Variants in DLGAP2 observed in about 807,000 individuals in gnomAD.
The protein encoded by DLGAP2 is DLG associated protein 2, also known as disks large-associated protein 2.
DLGAP2 carries 26 observed loss-of-function variants against 100.3 expected under a neutral mutation model. The observed-to-expected ratio is 0.26, with a 90% confidence interval of 0.19 to 0.36. The LOEUF is 0.36. Ranked by LOEUF, DLGAP2 falls within the 10% of genes least tolerant of loss-of-function variation. The probability of loss-of-function intolerance (pLI) is 1.00; values close to 1 mark genes in which losing one functional copy is unlikely to be tolerated. For missense variants in DLGAP2, 1,858 were observed against 1,453.2 expected, an observed-to-expected ratio of 1.28 and a Z score of -4.53; for synonymous variants, 886 against 630.1, an observed-to-expected ratio of 1.41 and a Z score of -6.08.
At chr8:1,434,108 G>A (rs930118088) in intron 3 of DLGAP2, among the ~76,000 whole-genome samples, 6 of 152,156 alleles carry the variant, frequency 3.9e-5, no homozygotes, top group African/African-American at 1.4e-4. Context: ...TTTGCAGGTG[G>A]AGCATGGAGA....
chr8:967,366 T>G (rs940758685), intron 2 of DLGAP2, among the ~76,000 whole-genome samples: 1 of 152,212 alleles, frequency 6.6e-6, no homozygotes, highest in Admixed American at 6.5e-5. Context: ...TCTGTGCCGC[T>G]TAGGCTTTGG....
chr8:1,548,848 G>A lies in DLGAP2; in HGVS notation c.395G>A (p.Arg132His), dbSNP rs1801648565. 2.5e-6 allele frequency: 4 copies of A among 1,579,648 alleles called. No individual in the cohort carries two copies. The highest frequency in any genetic ancestry group is 2.6e-6 in the Non-Finnish European group (3 of 1,166,660). Residue 132 changes from arginine (R) to histidine (H), a missense_variant, in exon 5 of 15, where the codon CGC becomes CAC. Transcript: ENST00000637795. ...CCCGCCGACAGCTGCCCCGGGGGGC[G>A]CCACCGCTGCTCGCCGCGCAGCTCG... ...LSPADSCPGG[R>H]HRCSPRSSVH...
chr8:1,154,549 T>A (rs1796747147), intron 2 of DLGAP2, among the ~76,000 whole-genome samples: 1 of 152,248 alleles, frequency 6.6e-6, no homozygotes, highest in African/African-American at 2.4e-5. Context: ...AATTTTTCAT[T>A]TATTTTCTGC....
chr8:1,686,131 T>C (rs1321069736), intron 12 of DLGAP2, among the ~76,000 whole-genome samples: 3 of 152,212 alleles, frequency 2.0e-5, no homozygotes, highest in Admixed American at 2.0e-4. Context: ...ACATGTTTAT[T>C]GCAGCATTAT....
intron 1 of DLGAP2, among the ~76,000 whole-genome samples, chr8:826,061 T>C (rs985573843): frequency 6.6e-6 from 1 of 152,260 alleles, no homozygotes; most frequent in Non-Finnish European, 1.5e-5. Flanking sequence ...CCACAAATAA[T>C]TGAGAACATG....
chr8:1,031,029 C>T (rs1014671122), intron 2 of DLGAP2, among the ~76,000 whole-genome samples: 1 of 152,188 alleles, frequency 6.6e-6, no homozygotes. Flanking sequence ...GGTTGTTTTT[C>T]CTGGTGGCTG....
At chr8:1,254,276 A>G (rs1799120504) in intron 2 of DLGAP2, among the ~76,000 whole-genome samples, 1 of 151,750 alleles carries the variant, frequency 6.6e-6, no homozygotes, top group African/African-American at 2.4e-5. Context: ...CACATCCAGG[A>G]CTCCGCTCTG....
At chr8:1,341,533 A>T (rs1801417661) in intron 3 of DLGAP2, among the ~76,000 whole-genome samples, 1 of 152,222 alleles carries the variant, frequency 6.6e-6, no homozygotes, top group Non-Finnish European at 1.5e-5. Flanking sequence ...AGTTAGTTGA[A>T]GCCATGTCTC....
chr8:1,606,232 C>G (rs982139463), intron 6 of DLGAP2, among the ~76,000 whole-genome samples: 1 of 152,162 alleles, frequency 6.6e-6, no homozygotes, highest in African/African-American at 2.4e-5. Context: ...ATAGAGTGCT[C>G]TTCGTATCTT....
intron 3 of DLGAP2, among the ~76,000 whole-genome samples, chr8:1,261,672 G>C (rs1487596432): frequency 6.6e-6 from 1 of 152,218 alleles, no homozygotes; most frequent in African/African-American, 2.4e-5. Flanking sequence ...GAGTGCAGTT[G>C]CTCCAGATCA....
At chr8:1,036,902 A>T (rs1802141792) in intron 2 of DLGAP2, among the ~76,000 whole-genome samples, 1 of 152,242 alleles carries the variant, frequency 6.6e-6, no homozygotes, top group Non-Finnish European at 1.5e-5. Flanking sequence ...TTTTTTTAGG[A>T]TACCAGAAGG....
intron 8 of DLGAP2, among the ~76,000 whole-genome samples, chr8:1,637,076 G>T (rs1037026245): frequency 6.6e-6 from 1 of 152,192 alleles, no homozygotes; most frequent in Non-Finnish European, 1.5e-5. Context: ...GGCTCCGCAG[G>T]CAGGATGTCT....
At chr8:1,225,834 G>C (rs1055819904) in intron 2 of DLGAP2, among the ~76,000 whole-genome samples, 36 of 152,136 alleles carry the variant, frequency 2.4e-4, no homozygotes, top group African/African-American at 8.7e-4. Context: ...AATTGCTAAG[G>C]AGTAAATTTT....
intron 2 of DLGAP2, among the ~76,000 whole-genome samples, chr8:990,363 GGA>G (rs1800633020): frequency 4.5e-5 from 2 of 44,878 alleles, no homozygotes; most frequent in South Asian, 2.0e-3. Context: ...CTCCTTGCCC[GGA>G]CCCCCTGCAC....
At chr8:832,619 A>G (rs1223269953) in intron 1 of DLGAP2, among the ~76,000 whole-genome samples, 1 of 152,252 alleles carries the variant, frequency 6.6e-6, no homozygotes, top group African/African-American at 2.4e-5. Flanking sequence ...AATTGTGGTC[A>G]TGGGATATCT....
intron 3 of DLGAP2, among the ~76,000 whole-genome samples, chr8:1,343,219 A>G (rs1274471655): frequency 6.6e-6 from 1 of 152,200 alleles, no homozygotes; most frequent in East Asian, 1.9e-4. Flanking sequence ...GCAAAAGGGC[A>G]CCGATTAAGT....
chr8:1,256,542 CGCTGTGTGTGTGTCCTTTCCTGCCCGGGT>C (rs1799223953), intron 2 of DLGAP2, among the ~76,000 whole-genome samples: 3 of 108,158 alleles, frequency 2.8e-5, no homozygotes, highest in African/African-American at 1.3e-4. Flanking sequence ...CCTGCCCAGG[CGCTGTGTGTGTGTCCTTTCCTGCCCGGGT>C]GCTGTGCGTG....
intron 2 of DLGAP2, among the ~76,000 whole-genome samples, chr8:965,149 C>G (rs1167030924): frequency 6.7e-6 from 1 of 148,484 alleles, no homozygotes; most frequent in Non-Finnish European, 1.5e-5. Flanking sequence ...GTTCACCTCA[C>G]AGGGCTCCTG....
chr8:1,199,725 A>C (rs1797829119), intron 2 of DLGAP2, among the ~76,000 whole-genome samples: 1 of 152,146 alleles, frequency 6.6e-6, no homozygotes. Flanking sequence ...ACTCGGGCTG[A>C]ATGTTTGTAT....
Sources: allele counts gnomAD v4.1 joint callset (sites outside exome capture counted in the v4.1 genomes callset), GRCh38; gene constraint gnomAD v4.1.1; transcripts MANE v1.5; gene names NCBI Gene and HGNC (gene_info 2026-07-23, HGNC 2026-07-21).